Variants in RBM20 observed in about 807,000 individuals in gnomAD.
The protein encoded by RBM20 is RNA binding motif protein 20.
Under a neutral mutation model 110.1 loss-of-function variants are expected in RBM20, and 51 were observed. The observed-to-expected ratio is 0.46, with a 90% CI of 0.37 to 0.59. The LOEUF (loss-of-function observed/expected upper bound fraction) is 0.59. RBM20 is among the 20% of genes least tolerant of loss of function. The pLI is 0.00. For missense variants in RBM20, 1,512 were observed against 1,574.9 expected (o/e 0.96, Z 0.68); for synonymous variants, 589 against 618.2 (o/e 0.95, Z 0.70).
rs1286389283 is a variant in RBM20 at position 110,767,083 on chromosome 10, A to AC, written c.192-13711dup. On this transcript the variant is annotated intron_variant, in intron 1 of 13. Transcript: ENST00000369519. ...GGGGCGGCTGGCCGGGCGGGGGGTG[A>AC]CCCCCCCACCTCCCTCCCGGACGGG... Among the ~76,000 whole-genome samples the AC allele has an allele frequency of 4.8e-3, 348 of 72,640 alleles. 8 individuals are homozygous for AC. The highest frequency in any genetic ancestry group is 6.2e-3 in the Admixed American group (44 of 7,048). The allele number at this position is 72,640 out of a possible 152,430, so 47.7% of individuals were successfully genotyped here. A position where few individuals can be genotyped will look rare whatever the true frequency, so the allele number is the denominator to read the frequency against.
intron 1 of RBM20, among the ~76,000 whole-genome samples, chr10:110,773,131 A>G (rs1158927112): frequency 7.9e-5 from 12 of 152,228 alleles, no homozygotes; most frequent in Non-Finnish European, 1.5e-5. Context: ...AGTGTGTTAG[A>G]GGAAACTTGG....
At chr10:110,738,479 A>G (rs143837371) in intron 1 of RBM20, among the ~76,000 whole-genome samples, 1,635 of 152,312 alleles carry the variant, frequency 0.011, 10 homozygotes, top group Admixed American at 0.024. Flanking sequence ...CAGCAAAGTC[A>G]GGCAGTTGGT....
chr10:110,657,507 A>G (rs1445112959), intron 1 of RBM20, among the ~76,000 whole-genome samples: 1 of 152,068 alleles, frequency 6.6e-6, no homozygotes, highest in Non-Finnish European at 1.5e-5. Context: ...GGTTTTTTAC[A>G]TTCTTGTTTT....
chr10:110,696,846 A>G (rs763300950), intron 1 of RBM20, among the ~76,000 whole-genome samples: 2 of 152,006 alleles, frequency 1.3e-5, no homozygotes, highest in Non-Finnish European at 2.9e-5. Flanking sequence ...AAAGTCTGCA[A>G]CTCTTACTTT....
intron 6 of RBM20, 34 bp from the exon 7 acceptor site, chr10:110,799,753 C>A: frequency 1.3e-6 from 2 of 1,539,988 alleles, no homozygotes; most frequent in South Asian, 2.4e-5. Context: ...CCATTAAAGT[C>A]AAGTCCAGTG....
chr10:110,783,629 G>A (rs1844382391), intron 3 of RBM20, among the ~76,000 whole-genome samples: 1 of 152,232 alleles, frequency 6.6e-6, no homozygotes, highest in South Asian at 2.1e-4. Context: ...CAGCATCCCT[G>A]GTGGTAAATG....
At chr10:110,727,727 G>A (rs1359150071) in intron 1 of RBM20, among the ~76,000 whole-genome samples, 1 of 152,124 alleles carries the variant, frequency 6.6e-6, no homozygotes, top group Non-Finnish European at 1.5e-5. Flanking sequence ...GTGGTTTGCT[G>A]CACTCATTAG....
chr10:110,823,336 C>A (rs1264804830), intron 11 of RBM20, 144 bp from the exon 12 acceptor site: 9 of 1,069,896 alleles, frequency 8.4e-6, no homozygotes, highest in Non-Finnish European at 1.0e-5. Flanking sequence ...GCAACCATTG[C>A]CCCAGCCTTA....
At chr10:110,764,813 A>G (rs986281813) in intron 1 of RBM20, among the ~76,000 whole-genome samples, 3 of 152,214 alleles carry the variant, frequency 2.0e-5, no homozygotes, top group African/African-American at 4.8e-5. Flanking sequence ...GCACCCTGGT[A>G]TGTTTCAGAA....
intron 1 of RBM20, among the ~76,000 whole-genome samples, chr10:110,647,408 G>C (rs1861884091): frequency 6.6e-6 from 1 of 151,956 alleles, no homozygotes; most frequent in Admixed American, 6.6e-5. Context: ...TACCTTTTCT[G>C]CTCTTGTTTA....
intron 5 of RBM20, among the ~76,000 whole-genome samples, chr10:110,785,565 A>G (rs940050625): frequency 1.3e-5 from 2 of 152,124 alleles, no homozygotes; most frequent in Admixed American, 1.3e-4. Context: ...CAAAACAAAC[A>G]AACAAAAAAA....
intron 13 of RBM20, among the ~76,000 whole-genome samples, chr10:110,832,020 A>T (rs1845062631): frequency 6.6e-6 from 1 of 152,244 alleles, no homozygotes. Flanking sequence ...GACTCCATCA[A>T]CTGTAAAATG....
chr10:110,801,638 A>C (rs115147483), intron 7 of RBM20, among the ~76,000 whole-genome samples: 2,281 of 150,884 alleles, frequency 0.015, 60 homozygotes, highest in African/African-American at 0.053. Flanking sequence ...AGGTTCAAGC[A>C]ATTCTCCTTC....
chr10:110,801,774 T>C (rs1844628618), intron 7 of RBM20, among the ~76,000 whole-genome samples: 1 of 150,336 alleles, frequency 6.7e-6, no homozygotes, highest in Non-Finnish European at 1.5e-5. Flanking sequence ...CTCAATATCC[T>C]GACCTTATGA....
chr10:110,782,321 C>T (rs989894503), intron 2 of RBM20, among the ~76,000 whole-genome samples: 1 of 152,098 alleles, frequency 6.6e-6, no homozygotes, highest in African/African-American at 2.4e-5. Flanking sequence ...GATTAATTCC[C>T]CCTTGGGACC....
At chr10:110,658,029 T>C (rs1862049051) in intron 1 of RBM20, among the ~76,000 whole-genome samples, 1 of 152,240 alleles carries the variant, frequency 6.6e-6, no homozygotes, top group South Asian at 2.1e-4. Context: ...TAGTTTTTTT[T>C]TCTTCTGTTG....
intron 10 of RBM20, among the ~76,000 whole-genome samples, chr10:110,820,690 C>T (rs758239994): frequency 1.4e-4 from 22 of 152,362 alleles, no homozygotes; most frequent in Non-Finnish European, 2.8e-4. Context: ...TGGAACAGGG[C>T]CATCTTCGTG....
chr10:110,703,038 T>G (rs1469056641), intron 1 of RBM20, among the ~76,000 whole-genome samples: 2 of 149,884 alleles, frequency 1.3e-5, no homozygotes, highest in African/African-American at 4.9e-5. Flanking sequence ...CCTTTCTAAC[T>G]GAAATTTTTG....
At chr10:110,820,201 C>T in intron 10 of RBM20, 25 bp downstream of exon 10, 1 of 1,492,860 alleles carries the variant, frequency 6.7e-7, no homozygotes, top group East Asian at 2.5e-5. Flanking sequence ...AGATTCTGCA[C>T]TTCTGCCATG....
Sources: gnomAD v4.1 joint callset for allele counts (sites outside exome capture counted in the v4.1 genomes callset) on GRCh38, gnomAD v4.1.1 for gene constraint, MANE v1.5 for transcripts, NCBI Gene and HGNC (gene_info 2026-07-23, HGNC 2026-07-21) for gene names.